Variants in ZNF385D observed in about 807,000 individuals in gnomAD.
The protein encoded by ZNF385D is zinc finger protein 385D.
In ZNF385D, 15 loss-of-function variants were observed where a neutral mutation model predicts 35.8. The observed-to-expected ratio is 0.42, with a 90% confidence interval of 0.28 to 0.64. The LOEUF (loss-of-function observed/expected upper bound fraction) is 0.64. Among genes scored for constraint, ZNF385D ranks in the 30% least tolerant of loss-of-function variants. The pLI is 0.23. For synonymous variants in ZNF385D, 212 were observed against 186.8 expected, an observed-to-expected ratio of 1.13 and a Z score of -1.10; for missense variants, 474 against 494.6, an observed-to-expected ratio of 0.96 and a Z score of 0.39.
At chr3:22,007,158 T>C (rs901827219) in intron 3 of ZNF385D, among the ~76,000 whole-genome samples, 1 of 152,204 alleles carries the variant, frequency 6.6e-6, no homozygotes, top group South Asian at 2.1e-4. Context: ...ATACACCTTC[T>C]ACTCCATTTT....
intron 3 of ZNF385D, among the ~76,000 whole-genome samples, chr3:21,563,759 CA>C (rs2063041185): frequency 6.6e-6 from 1 of 152,164 alleles, no homozygotes; most frequent in Non-Finnish European, 1.5e-5. Flanking sequence ...GAATGCTCTC[CA>C]ATCCCTATTC....
rs570250227 is a variant in ZNF385D, at chr3:21,817,457, A to G, written c.326-152429T>C. Among the ~76,000 whole-genome samples the G allele has an allele frequency of 1.2e-3, 177 of 152,280 alleles. 1 individual carries two copies. The highest frequency in any genetic ancestry group is 3.6e-3 in the African/African-American group (151 of 41,518). On this transcript the variant is annotated intron_variant, in intron 3 of 5. Coordinates refer to the ZNF385D transcript ENST00000494108. ...CATCTGACAAAGGGCTAATATCCAG[A>G]ATCTACAAAGAAGTTAAACAAATTT... is the stretch of plus-strand genomic sequence containing the variant.
At chr3:21,762,370 T>A (rs1299782395) in intron 3 of ZNF385D, among the ~76,000 whole-genome samples, 9 of 152,088 alleles carry the variant, frequency 5.9e-5, no homozygotes, top group Non-Finnish European at 4.4e-5. Flanking sequence ...CTTTACCCGG[T>A]AAAGCTCTTT....
chr3:22,273,537 T>C (rs748162902), intron 2 of ZNF385D, among the ~76,000 whole-genome samples: 1 of 151,860 alleles, frequency 6.6e-6, no homozygotes, highest in African/African-American at 2.4e-5. Context: ...AACAAAAAAT[T>C]AGTGGCTCCA....
intron 4 of ZNF385D, among the ~76,000 whole-genome samples, chr3:21,478,738 G>C (rs1007527565): frequency 6.6e-6 from 1 of 152,062 alleles, no homozygotes; most frequent in South Asian, 2.1e-4. Flanking sequence ...TCTTTTGAAA[G>C]AAAGAAAGGG....
rs565791653 is a variant in ZNF385D at position 21,615,573 on chromosome 3, T to C, written c.165+49313A>G. Among the ~76,000 whole-genome samples the C allele has an allele frequency of 2.1e-3, 314 of 152,314 alleles. 2 individuals carry two copies. Among genetic ancestry groups the C allele is most frequent in the African/African-American group, 7.4e-3 (308 of 41,566 alleles). On this transcript the variant is annotated intron_variant, in intron 2 of 7. Coordinates refer to ENST00000281523, the MANE Select transcript of ZNF385D (RefSeq NM_024697.3). ...ATGAATTTATTCCATTTAACTTCTG[T>C]ATTTTATTCTCACCCCAATGTTCTT... is the stretch of plus-strand genomic sequence containing the variant.
intron 3 of ZNF385D, among the ~76,000 whole-genome samples, chr3:22,134,924 C>A (rs1159149748): frequency 6.6e-6 from 1 of 152,162 alleles, no homozygotes; most frequent in Non-Finnish European, 1.5e-5. Flanking sequence ...AACCTTCCAA[C>A]ACTAGTACGT....
chr3:21,867,558 T>C (rs1697437701), intron 3 of ZNF385D, among the ~76,000 whole-genome samples: 2 of 152,180 alleles, frequency 1.3e-5, no homozygotes, highest in Non-Finnish European at 1.5e-5. Flanking sequence ...CTTGATTTAC[T>C]CTATTTGCAT....
chr3:21,995,916 A>G (rs1415206058), intron 3 of ZNF385D, among the ~76,000 whole-genome samples: 1 of 152,122 alleles, frequency 6.6e-6, no homozygotes, highest in East Asian at 1.9e-4. Flanking sequence ...TACATTGTCT[A>G]TACCTTGGGG....
intron 3 of ZNF385D, among the ~76,000 whole-genome samples, chr3:21,814,752 C>T (rs527912616): frequency 2.0e-5 from 3 of 152,186 alleles, no homozygotes; most frequent in Non-Finnish European, 1.5e-5. Context: ...TAACACCCCA[C>T]TGTCAACATT....
chr3:21,945,529 A>C (rs1462645797), intron 3 of ZNF385D, among the ~76,000 whole-genome samples: 1 of 152,250 alleles, frequency 6.6e-6, no homozygotes, highest in Non-Finnish European at 1.5e-5. Context: ...CTAGGGAGCT[A>C]TCAAGATTAA....
In ZNF385D at chr3:22,163,335, A is replaced by G. The variant is rs190229404; in HGVS notation, c.325+5482T>C. On this transcript the variant is annotated intron_variant, in intron 3 of 5. Transcript: ENST00000494108. ...ATATACCTTTATTTCTGCATAACGT[A>G]CATCGCCGTCAGAAACCGAAGTTAG... Among the ~76,000 whole-genome samples, 664 of 152,292 alleles carry G rather than the reference A, an allele frequency of 4.4e-3. 4 individuals are homozygous for G. The highest frequency in any genetic ancestry group is 0.015 in the African/African-American group (635 of 41,560).
intron 3 of ZNF385D, among the ~76,000 whole-genome samples, chr3:21,914,023 G>T (rs985646775): frequency 1.3e-5 from 2 of 152,034 alleles, no homozygotes; most frequent in African/African-American, 4.8e-5. Context: ...TGCTTGTGAG[G>T]CAGCTGTTAG....
chr3:21,725,507 A>G (rs966851806), intron 1 of ZNF385D, among the ~76,000 whole-genome samples: 2 of 152,242 alleles, frequency 1.3e-5, no homozygotes, highest in East Asian at 1.9e-4. Context: ...GGATATCACA[A>G]CTGATCCCAA....
intron 3 of ZNF385D, among the ~76,000 whole-genome samples, chr3:21,850,527 C>A (rs2673518): frequency 0.89 from 135,433 of 152,134 alleles, 60,557 homozygotes; most frequent in African/African-American, 0.96. Flanking sequence ...AAATGATTTA[C>A]AATCTGTATA....
chr3:22,049,087 A>G (rs1699184949), intron 3 of ZNF385D, among the ~76,000 whole-genome samples: 1 of 151,996 alleles, frequency 6.6e-6, no homozygotes, highest in South Asian at 2.1e-4. Context: ...ATTTCAGGTC[A>G]GGAGTTTGAG....
At chr3:21,957,280 A>C (rs1309686017) in intron 3 of ZNF385D, 2 of 153,202 alleles carry the variant, frequency 1.3e-5, no homozygotes, top group African/African-American at 2.4e-5. Context: ...TAATATAGTA[A>C]ATTGGTACCG....
intron 3 of ZNF385D, among the ~76,000 whole-genome samples, chr3:22,130,989 T>C (rs1284366170): frequency 6.6e-6 from 1 of 151,076 alleles, no homozygotes; most frequent in Non-Finnish European, 1.5e-5. Flanking sequence ...AGATCCAGGC[T>C]AAAAAAAAAT....
intron 2 of ZNF385D, among the ~76,000 whole-genome samples, chr3:22,259,692 G>A (rs772107488): frequency 2.0e-5 from 3 of 151,850 alleles, no homozygotes; most frequent in Non-Finnish European, 2.9e-5. Context: ...GTCAGCTTTA[G>A]GAAAAAAACT....
Sources: allele counts gnomAD v4.1 joint callset (sites outside exome capture counted in the v4.1 genomes callset), GRCh38; gene constraint gnomAD v4.1.1; transcripts MANE v1.5; gene names NCBI Gene and HGNC (gene_info 2026-07-23, HGNC 2026-07-21).